Variants in KCNQ3 observed in about 807,000 individuals in gnomAD.
KCNQ3 encodes potassium voltage-gated channel subfamily Q member 3, also known as potassium voltage-gated channel subfamily KQT member 3.
In KCNQ3, 30 loss-of-function variants were observed where a neutral mutation model predicts 92.5. That is an observed-to-expected ratio of 0.32 (90% CI 0.24 to 0.44). The LOEUF (loss-of-function observed/expected upper bound fraction) is 0.44, where lower values mean the gene tolerates loss of function less well. KCNQ3 is among the 20% of genes least tolerant of loss of function. KCNQ3 has a pLI of 1.00. For missense variants in KCNQ3, 913 were observed against 1,140.3 expected (o/e 0.80, Z 2.87); for synonymous variants, 450 against 468.8 (o/e 0.96, Z 0.52).
intron 1 of KCNQ3, among the ~76,000 whole-genome samples, chr8:132,443,468 T>C (rs991156777): frequency 4.6e-5 from 7 of 152,162 alleles, no homozygotes; most frequent in Non-Finnish European, 8.8e-5. Flanking sequence ...GGGGCCTGGA[T>C]GGAGATGTCC....
At chr8:132,327,130 G>C (rs538208815) in intron 1 of KCNQ3, among the ~76,000 whole-genome samples, 2 of 152,288 alleles carry the variant, frequency 1.3e-5, no homozygotes, top group African/African-American at 2.4e-5. Context: ...GCAAGGCATG[G>C]AGGCAGGTGC....
At chr8:132,357,386 T>C (rs1819046664) in intron 1 of KCNQ3, among the ~76,000 whole-genome samples, 1 of 152,190 alleles carries the variant, frequency 6.6e-6, no homozygotes, top group Non-Finnish European at 1.5e-5. Flanking sequence ...TGAGACCACA[T>C]GAGATACTGA....
At chr8:132,277,711 G>A (rs995515527) in intron 1 of KCNQ3, among the ~76,000 whole-genome samples, 5 of 152,134 alleles carry the variant, frequency 3.3e-5, no homozygotes, top group Non-Finnish European at 7.3e-5. Flanking sequence ...TGCTGGAGTT[G>A]GAAAAGTCCC....
chr8:132,176,689 AC>A (rs1826566663), intron 4 of KCNQ3, among the ~76,000 whole-genome samples: 1 of 152,118 alleles, frequency 6.6e-6, no homozygotes, highest in Admixed American at 6.6e-5. Context: ...CCACACTGGG[AC>A]CAACCAAAGA....
chr8:132,480,136 CG>C lies in KCNQ3; in HGVS notation c.386+10del. ...CGCCGCCGAGGGCGCCCCGAGCGGC[CG>C]GGTACTCACACCAACGCGTGGTAAA... On this transcript the variant is annotated intron_variant, in intron 1 of 14. Coordinates refer to ENST00000388996, the MANE Select transcript of KCNQ3 (RefSeq NM_004519.4). The C allele has an allele frequency of 6.2e-7, 1 of 1,609,848 alleles. No homozygotes were observed. Among genetic ancestry groups the C allele is most frequent in the Non-Finnish European group, 8.5e-7 (1 of 1,177,812 alleles).
chr8:132,387,929 G>A (rs2130765391), intron 1 of KCNQ3, among the ~76,000 whole-genome samples: 2 of 151,664 alleles, frequency 1.3e-5, no homozygotes, highest in African/African-American at 2.4e-5. Context: ...CTGGGCAACA[G>A]AGCAAGACCC....
intron 1 of KCNQ3, among the ~76,000 whole-genome samples, chr8:132,287,206 G>A (rs117577510): frequency 0.014 from 2,148 of 152,264 alleles, 33 homozygotes; most frequent in Admixed American, 0.039. Flanking sequence ...TTACATTGCC[G>A]TGTAGCAGTT....
In KCNQ3 at chr8:132,294,093, C is replaced by G. The variant is rs1215475162; in HGVS notation, c.387-107912G>C. Among the ~76,000 whole-genome samples the G allele has an allele frequency of 6.0e-5, 9 of 150,836 alleles. No homozygotes were observed. The East Asian group carries it at 1.8e-3, about 30-fold the overall frequency. On this transcript the variant is annotated intron_variant, in intron 1 of 14. Coordinates refer to ENST00000388996, the MANE Select transcript of KCNQ3 (RefSeq NM_004519.4). ...TCAGCTCACTGCAACCTCCGCCTCC[C>G]GGGTTCACGCCATTCTCCTGCTTCA...
chr8:132,415,709 C>T (rs1014324920), intron 1 of KCNQ3, among the ~76,000 whole-genome samples: 10 of 151,918 alleles, frequency 6.6e-5, no homozygotes, highest in Admixed American at 6.6e-4. Flanking sequence ...GATAAATCAT[C>T]GTAACTGTGC....
intron 1 of KCNQ3, among the ~76,000 whole-genome samples, chr8:132,244,492 T>A (rs1815098798): frequency 6.6e-6 from 1 of 152,154 alleles, no homozygotes. Flanking sequence ...AAAAATATTC[T>A]GTCCCTAAAA....
chr8:132,397,902 T>C (rs1820233228), intron 1 of KCNQ3, among the ~76,000 whole-genome samples: 1 of 152,208 alleles, frequency 6.6e-6, no homozygotes, highest in Admixed American at 6.5e-5. Context: ...TGTATATCCA[T>C]CTATACAAAA....
intron 1 of KCNQ3, among the ~76,000 whole-genome samples, chr8:132,473,912 A>C (rs1253645364): frequency 6.6e-6 from 1 of 152,214 alleles, no homozygotes. Context: ...TGCTGGCTCC[A>C]TGTGTCTCAC....
intron 1 of KCNQ3, among the ~76,000 whole-genome samples, chr8:132,387,987 GGAAGAGGAA>G (rs1466229673): frequency 1.4e-5 from 2 of 141,964 alleles, no homozygotes; most frequent in African/African-American, 5.4e-5. Context: ...AAGAGGAAGA[GGAAGAGGAA>G]GAAGAAGAAG....
At chr8:132,385,241 A>G (rs1819860305) in intron 1 of KCNQ3, among the ~76,000 whole-genome samples, 1 of 152,278 alleles carries the variant, frequency 6.6e-6, no homozygotes, top group Non-Finnish European at 1.5e-5. Flanking sequence ...ACTGCAACGC[A>G]GCTCAACTCT....
At chr8:132,174,165 A>C in intron 6 of KCNQ3, 74 bp downstream of exon 6, 1 of 1,030,064 alleles carries the variant, frequency 9.7e-7, no homozygotes, top group South Asian at 1.4e-5. Flanking sequence ...ATGACACTGG[A>C]AAGTTGAGCT....
chr8:132,165,871 T>C (rs1424753828), intron 8 of KCNQ3, among the ~76,000 whole-genome samples: 3 of 152,242 alleles, frequency 2.0e-5, no homozygotes, highest in Admixed American at 2.0e-4. Flanking sequence ...AGTTACCCCT[T>C]CTACTTACCT....
At chr8:132,153,846 A>G (rs570672015) in intron 9 of KCNQ3, among the ~76,000 whole-genome samples, 24 of 151,946 alleles carry the variant, frequency 1.6e-4, no homozygotes, top group Non-Finnish European at 3.2e-4. Context: ...GGAATGCCTC[A>G]TTTTCCCTCC....
intron 1 of KCNQ3, among the ~76,000 whole-genome samples, chr8:132,224,917 T>C (rs550976007): frequency 6.6e-6 from 1 of 152,302 alleles, no homozygotes; most frequent in East Asian, 1.9e-4. Context: ...ACTGAGTGTA[T>C]ACTGTGTTCC....
chr8:132,160,645 G>T (rs1434822002), intron 9 of KCNQ3, among the ~76,000 whole-genome samples: 1 of 149,290 alleles, frequency 6.7e-6, no homozygotes, highest in Non-Finnish European at 1.5e-5. Flanking sequence ...TTATTGAAAA[G>T]AACTCAAGCC....
Sources: gnomAD v4.1 joint callset for allele counts (sites outside exome capture counted in the v4.1 genomes callset) on GRCh38, gnomAD v4.1.1 for gene constraint, MANE v1.5 for transcripts, NCBI Gene and HGNC (gene_info 2026-07-23, HGNC 2026-07-21) for gene names.